AP3B1: variants seen among roughly 807,000 people sequenced by gnomAD.
AP3B1 encodes the protein adaptor related protein complex 3 subunit beta 1.
A neutral mutation model predicts 132.5 loss-of-function variants in AP3B1; 61 were observed. The ratio of observed to expected loss-of-function variants is 0.46; its 90% confidence interval spans 0.37 to 0.57. The LOEUF (loss-of-function observed/expected upper bound fraction) is 0.57, where lower values mean the gene tolerates loss of function less well. Among genes scored for constraint, AP3B1 ranks in the 20% least tolerant of loss-of-function variants. AP3B1 has a pLI of 0.00. For synonymous variants in AP3B1, 388 were observed against 438.3 expected (o/e 0.89, Z 1.43); for missense variants, 1,120 against 1,289.4 (o/e 0.87, Z 2.01).
At chr5:78,222,909 G>C (rs1449128696) in intron 6 of AP3B1, among the ~76,000 whole-genome samples, 3 of 151,976 alleles carry the variant, frequency 2.0e-5, no homozygotes, top group Admixed American at 6.6e-5. Context: ...CCCCACAGAG[G>C]TACAGTGCTA....
chr5:78,294,124 G>T (rs1749649273), intron 1 of AP3B1, among the ~76,000 whole-genome samples: 1 of 152,118 alleles, frequency 6.6e-6, no homozygotes, highest in Admixed American at 6.5e-5. Flanking sequence ...TAAACTAGAA[G>T]ACGATGCTCA....
At position 78,125,630 on chromosome 5, in the gene AP3B1, T is replaced by C. The variant is rs528102074; in HGVS notation, c.1968+2400A>G. On this transcript the variant is annotated intron_variant, in intron 17 of 26. Transcript: ENST00000255194. ...CCCTCATAGTATAATTTTAAGCCAA[T>C]TGTCTCAGAGTCCAATAGACTGAAG... Among the ~76,000 whole-genome samples the C allele has an allele frequency of 9.8e-5, 15 of 152,298 alleles. No homozygotes were observed. The East Asian group carries it at 2.5e-3, about 25-fold the overall frequency.
chr5:78,072,864 G>C (rs1198962495), intron 22 of AP3B1, among the ~76,000 whole-genome samples: 1 of 151,760 alleles, frequency 6.6e-6, no homozygotes, highest in Non-Finnish European at 1.5e-5. Context: ...TGGGATTAAA[G>C]GCACAAGCCA....
At chr5:78,084,180 C>G (rs1750132875) in intron 22 of AP3B1, among the ~76,000 whole-genome samples, 1 of 151,666 alleles carries the variant, frequency 6.6e-6, no homozygotes, top group Non-Finnish European at 1.5e-5. Context: ...TCAATATCAC[C>G]CAATTAATTA....
chr5:78,209,935 A>G (rs1262710005), intron 7 of AP3B1, among the ~76,000 whole-genome samples: 2 of 152,238 alleles, frequency 1.3e-5, no homozygotes, highest in Non-Finnish European at 2.9e-5. Context: ...TAAATTATAA[A>G]CAACAAAAAG....
intron 22 of AP3B1, among the ~76,000 whole-genome samples, chr5:78,051,126 C>A (rs771447189): frequency 2.0e-5 from 3 of 152,132 alleles, no homozygotes; most frequent in Admixed American, 6.6e-5. Flanking sequence ...CATATTTTAT[C>A]AGTTTATTAC....
chr5:78,254,322 C>T (rs1371845097), intron 2 of AP3B1, among the ~76,000 whole-genome samples: 1 of 151,928 alleles, frequency 6.6e-6, no homozygotes, highest in Non-Finnish European at 1.5e-5. Context: ...GAGAACTTCC[C>T]AAACCTAGAG....
chr5:78,078,776 T>C (rs1415209036), intron 22 of AP3B1, among the ~76,000 whole-genome samples: 1 of 152,268 alleles, frequency 6.6e-6, no homozygotes, highest in Non-Finnish European at 1.5e-5. Flanking sequence ...TTTATTAACC[T>C]GTTATCTGTA....
intron 11 of AP3B1, among the ~76,000 whole-genome samples, chr5:78,174,470 G>C (rs1369840826): frequency 6.6e-6 from 1 of 152,218 alleles, no homozygotes; most frequent in Non-Finnish European, 1.5e-5. Flanking sequence ...GTTGGAGTTT[G>C]CTGGAGGTCC....
At chr5:78,269,067 C>T (rs1049551648) in intron 1 of AP3B1, among the ~76,000 whole-genome samples, 1 of 152,190 alleles carries the variant, frequency 6.6e-6, no homozygotes, top group Non-Finnish European at 1.5e-5. Flanking sequence ...TTTAGGTCTA[C>T]CTTCTTCATT....
At chr5:78,089,058 G>T (rs1262818172) in intron 22 of AP3B1, 2 of 178,644 alleles carry the variant, frequency 1.1e-5, no homozygotes, top group African/African-American at 4.8e-5. Context: ...TTACGGAAAT[G>T]AAAGTCTGTT....
At chr5:78,236,784 T>G (rs1352713449) in intron 3 of AP3B1, among the ~76,000 whole-genome samples, 1 of 152,212 alleles carries the variant, frequency 6.6e-6, no homozygotes, top group Non-Finnish European at 1.5e-5. Context: ...CCTCATAATT[T>G]TTCTAAGTTA....
chr5:78,156,967 T>G (rs1561445570), intron 13 of AP3B1, among the ~76,000 whole-genome samples: 2 of 152,166 alleles, frequency 1.3e-5, no homozygotes, highest in East Asian at 3.9e-4. Context: ...CCACTCTACC[T>G]TTCTCTCCCC....
chr5:78,261,968 C>A (rs1748114629), intron 2 of AP3B1, among the ~76,000 whole-genome samples: 1 of 148,526 alleles, frequency 6.7e-6, no homozygotes, highest in South Asian at 2.2e-4. Context: ...TAGAGACCAC[C>A]GTGTTGGCCA....
intron 24 of AP3B1, among the ~76,000 whole-genome samples, chr5:78,026,750 G>A (rs1032009744): frequency 1.3e-5 from 2 of 152,140 alleles, no homozygotes; most frequent in Admixed American, 6.5e-5. Context: ...CCCACAAACA[G>A]CATACAAGAG....
intron 1 of AP3B1, among the ~76,000 whole-genome samples, chr5:78,294,188 G>A (rs116563441): frequency 0.011 from 1,699 of 152,216 alleles, 18 homozygotes; most frequent in Middle Eastern, 0.02. Flanking sequence ...GTCTTCAGGG[G>A]TGGGATCTAA....
rs1747052571 is a variant in AP3B1, at chr5:78,020,671, T to G, written c.2992+21A>C. 3.8e-6 allele frequency: 6 copies of G among 1,559,946 alleles called. No homozygotes were observed. In the South Asian group the frequency reaches 6.7e-5, roughly 17 times the overall value. ...TATTATTTGGTATGTAAATTTCTAG[T>G]AAGTTGTAGACATCTCTCACCTTGC... is the stretch of plus-strand genomic sequence containing the variant. On this transcript the variant is annotated intron_variant, in intron 25 of 26. Transcript: ENST00000255194.
intron 12 of AP3B1, among the ~76,000 whole-genome samples, chr5:78,163,610 T>C (rs533281488): frequency 2.0e-5 from 3 of 147,566 alleles, no homozygotes; most frequent in African/African-American, 7.5e-5. Context: ...TATATGTGTG[T>C]GTGTGTATAT....
intron 17 of AP3B1, among the ~76,000 whole-genome samples, chr5:78,125,681 C>T (rs751816861): frequency 6.6e-6 from 1 of 152,166 alleles, no homozygotes; most frequent in African/African-American, 2.4e-5. Context: ...CATCAACAGA[C>T]AGTGACAGTT....
Sources: allele counts gnomAD v4.1 joint callset (sites outside exome capture counted in the v4.1 genomes callset), GRCh38; gene constraint gnomAD v4.1.1; transcripts MANE v1.5; gene names NCBI Gene and HGNC (gene_info 2026-07-23, HGNC 2026-07-21).